Variants in SMG7 observed in about 807,000 individuals in gnomAD.
SMG7 encodes the protein nonsense-mediated mRNA decay factor SMG7.
In SMG7, 34 loss-of-function variants were observed where a neutral mutation model predicts 148.2. The ratio of observed to expected loss-of-function variants is 0.23; its 90% confidence interval spans 0.17 to 0.31. The LOEUF (loss-of-function observed/expected upper bound fraction) is 0.31, where lower values mean the gene tolerates loss of function less well. SMG7 is among the 10% of genes least tolerant of loss of function. The pLI is 1.00. For synonymous variants in SMG7, 492 were observed against 515.1 expected (o/e 0.96, Z 0.61); for missense variants, 1,114 against 1,408.4 (o/e 0.79, Z 3.35).
chr1:183,533,495 A>G (rs1267722105), intron 9 of SMG7, among the ~76,000 whole-genome samples, 169 bp downstream of exon 9: 1 of 152,202 alleles, frequency 6.6e-6, no homozygotes, highest in East Asian at 1.9e-4. Flanking sequence ...TTATCTGCTG[A>G]TACCCCCTCA....
intron 16 of SMG7, 150 bp downstream of exon 16, chr1:183,545,462 T>A (rs538976972): frequency 1.1e-6 from 1 of 920,766 alleles, no homozygotes; most frequent in East Asian, 2.6e-5. Context: ...CTCTACTGTT[T>A]ATGAAAGTTC....
In SMG7 at chr1:183,550,742, A is replaced by T. The variant is rs1572120688; in HGVS notation, c.3134-9A>T. 4 of 1,613,452 alleles carry T rather than the reference A, an allele frequency of 2.5e-6. No individual in the cohort carries two copies. The East Asian group carries it at 8.9e-5, about 36-fold the overall frequency. ...ATTTACTATATCCTGTGTTGCTATT[A>T]TTTAATAGATCATTCAACACCAGCC... On this transcript the variant is annotated splice_polypyrimidine_tract_variant and intron_variant, in intron 20 of 22. Coordinates refer to ENST00000688051, the MANE Select transcript of SMG7 (RefSeq NM_001375584.1).
In SMG7 at chr1:183,552,675, G is replaced by T; in HGVS notation, c.*744G>T. On this transcript the variant is annotated 3_prime_UTR_variant, in exon 23 of 23. Transcript: ENST00000688051. ...GAGCCCCAATCGAGGATACAGTGTG[G>T]GTGGTGGTGCTGGGCTGGACTAGCA... 1 of 1,176,354 alleles carries T rather than the reference G, an allele frequency of 8.5e-7. No individual in the cohort carries two copies. The allele number at this position is 1,176,354 out of a possible 1,614,324, so 72.9% of individuals were successfully genotyped here.
At chr1:183,486,386 A>G (rs1201727506) in intron 1 of SMG7, among the ~76,000 whole-genome samples, 8 of 152,212 alleles carry the variant, frequency 5.3e-5, no homozygotes, top group African/African-American at 1.7e-4. Flanking sequence ...AATGAAAAGA[A>G]GCAAAAACTG....
chr1:183,502,403 A>T, intron 1 of SMG7: 1 of 1,526,448 alleles, frequency 6.6e-7, no homozygotes, highest in South Asian at 1.2e-5. Context: ...TAGGATGAAA[A>T]TTACAAGGGA....
At chr1:183,496,511 G>T (rs1479781278) in intron 1 of SMG7, among the ~76,000 whole-genome samples, 1 of 152,076 alleles carries the variant, frequency 6.6e-6, no homozygotes, top group Non-Finnish European at 1.5e-5. Flanking sequence ...CTTATAACAA[G>T]ATCCTCAGTG....
intron 1 of SMG7, among the ~76,000 whole-genome samples, chr1:183,497,601 G>T (rs1486630483): frequency 6.6e-6 from 1 of 151,990 alleles, no homozygotes; most frequent in East Asian, 1.9e-4. Context: ...ATGGAGTCTT[G>T]TTCTGTGGCC....
chr1:183,502,172 AATAAAG>A (rs1453320432), intron 1 of SMG7: 1 of 944,720 alleles, frequency 1.1e-6, no homozygotes, highest in African/African-American at 1.7e-5. Flanking sequence ...AGTCATTTCA[AATAAAG>A]ATAAAATAAT....
rs1037787683 is a variant in SMG7 at position 183,491,595 on chromosome 1, C to T, written c.29+18946C>T. On this transcript the variant is annotated intron_variant, in intron 1 of 22. Transcript: ENST00000688051. ...TCTCCTAGTCTGTGGCTTGTCTTTT[C>T]GGTTTTTAATGTATCTTTTGAAGAG... Among the ~76,000 whole-genome samples the T allele has an allele frequency of 1.5e-3, 226 of 152,004 alleles. 2 individuals carry two copies. The highest frequency in any genetic ancestry group is 5.2e-3 in the African/African-American group (215 of 41,474).
intron 2 of SMG7, among the ~76,000 whole-genome samples, chr1:183,514,009 G>A (rs1390608299): frequency 8.5e-5 from 10 of 117,058 alleles, no homozygotes; most frequent in East Asian, 4.7e-4. Flanking sequence ...CAGCCTGGGC[G>A]ACAGAAAAAG....
At chr1:183,541,286 G>T (rs1364962761) in intron 13 of SMG7, among the ~76,000 whole-genome samples, 183 bp downstream of exon 13, 1 of 152,212 alleles carries the variant, frequency 6.6e-6, no homozygotes, top group Non-Finnish European at 1.5e-5. Context: ...TATAACCCTA[G>T]TGAGTAAGTA....
chr1:183,490,379 A>G (rs1656645912), intron 1 of SMG7, among the ~76,000 whole-genome samples: 1 of 152,234 alleles, frequency 6.6e-6, no homozygotes, highest in Non-Finnish European at 1.5e-5. Flanking sequence ...ACAATATAAA[A>G]GGGCATTTAT....
At chr1:183,539,885 A>G (rs916001739) in intron 12 of SMG7, among the ~76,000 whole-genome samples, 7 of 152,156 alleles carry the variant, frequency 4.6e-5, no homozygotes, top group African/African-American at 1.4e-4. Context: ...TTCTCCTCCT[A>G]TAGTCTGTTT....
intron 1 of SMG7, among the ~76,000 whole-genome samples, chr1:183,494,574 A>T (rs535014381): frequency 6.6e-6 from 1 of 150,690 alleles, no homozygotes; most frequent in East Asian, 1.9e-4. Flanking sequence ...TCTTGGCATC[A>T]AATTTCCTCA....
At position 183,545,270 on chromosome 1, in the gene SMG7, G is replaced by A. The variant is rs141868186; in HGVS notation, c.2328G>A (p.Pro776=). ...AACAATCCCCTACAAAAGCTGTGCC[G>A]GCTTTGGGGAAAAGCCCGCCTCACC... ...QQQQSPTKAV[P]ALGKSPPHHS... is the part of the protein sequence containing the mutation. The change falls in exon 16 of 23, where the codon CCG becomes CCA. Residue 776 remains proline, a synonymous_variant. Coordinates refer to ENST00000688051, the MANE Select transcript of SMG7 (RefSeq NM_001375584.1). 14 of 1,612,766 alleles carry A rather than the reference G, an allele frequency of 8.7e-6. No homozygotes were observed. Among genetic ancestry groups the A allele is most frequent in the Admixed American group, 3.3e-5 (2 of 59,994 alleles).
rs1049560045 is a variant in SMG7 at position 183,552,870 on chromosome 1, A to G, written c.*939A>G. The G allele has an allele frequency of 6.9e-7, 1 of 1,439,304 alleles. No individual in the cohort carries two copies. Among genetic ancestry groups the G allele is most frequent in the Admixed American group, 2.8e-5 (1 of 36,156 alleles). 89.2% of individuals were successfully genotyped at this position (1,439,304 alleles called of 1,614,324 possible). A position where few individuals can be genotyped will look rare whatever the true frequency, so the allele number is the denominator to read the frequency against. ...TTCTTTGGTTGGTTTTTGTGCCCCC[A>G]TTCTACTTCCCACCCTCCTGCCCCA... is the stretch of plus-strand genomic sequence containing the variant. On this transcript the variant is annotated 3_prime_UTR_variant, in exon 23 of 23. Transcript: ENST00000688051.
rs1476267216 is a variant in SMG7, at chr1:183,552,840, A to T, written c.*909A>T. On this transcript the variant is annotated 3_prime_UTR_variant, in exon 23 of 23. Transcript: ENST00000688051. ...ATAGGTAGAAGCTTTCAGTGTGGTT[A>T]TTTTTTCTTTGGTTGGTTTTTGTGC... 2 of 1,432,978 alleles carry T rather than the reference A, an allele frequency of 1.4e-6. No individual in the cohort carries two copies. Among genetic ancestry groups the T allele is most frequent in the Non-Finnish European group, 1.8e-6 (2 of 1,098,188 alleles). The allele number at this position is 1,432,978 out of a possible 1,614,324, so 88.8% of individuals were successfully genotyped here.
chr1:183,534,832 A>T (rs1037022027), intron 10 of SMG7, among the ~76,000 whole-genome samples: 1 of 149,706 alleles, frequency 6.7e-6, no homozygotes, highest in Non-Finnish European at 1.5e-5. Flanking sequence ...GCGCCATTGT[A>T]CTCCAGCCTG....
chr1:183,539,108 C>T (rs555009630), intron 12 of SMG7, among the ~76,000 whole-genome samples: 11 of 152,074 alleles, frequency 7.2e-5, no homozygotes, highest in Non-Finnish European at 1.3e-4. Context: ...TGAGAGATCA[C>T]GCCACTGCAC....
Sources: gnomAD v4.1 joint callset for allele counts (sites outside exome capture counted in the v4.1 genomes callset) on GRCh38, gnomAD v4.1.1 for gene constraint, MANE v1.5 for transcripts, NCBI Gene and HGNC (gene_info 2026-07-23, HGNC 2026-07-21) for gene names.